The following AOAH variants were observed in gnomAD, a reference collection of about 807,000 sequenced individuals.
The protein encoded by AOAH is acyloxyacyl hydrolase.
In AOAH, 64 loss-of-function variants were observed where a neutral mutation model predicts 92.2. That is an observed-to-expected ratio of 0.69 (90% CI 0.57 to 0.86). The LOEUF is 0.86. Ranked by LOEUF, AOAH falls within the 40% of genes least tolerant of loss-of-function variation. The pLI, the probability that AOAH is intolerant of heterozygous loss-of-function variation, is 0.00. For missense variants in AOAH, 656 were observed against 694.6 expected (o/e 0.94, Z 0.62); for synonymous variants, 263 against 254.5 (o/e 1.03, Z -0.32).
At chr7:36,563,998 G>T (rs1583829331) in intron 13 of AOAH, among the ~76,000 whole-genome samples, 1 of 152,276 alleles carries the variant, frequency 6.6e-6, no homozygotes, top group East Asian at 1.9e-4. Flanking sequence ...CTAAAACATA[G>T]ATTTTTAAAA....
At position 36,530,457 on chromosome 7, in the gene AOAH, T is replaced by C. The variant is rs1290395407; in HGVS notation, c.1483A>G (p.Asn495Asp). 6.2e-7 allele frequency: 1 copy of C among 1,613,930 alleles called. No homozygotes were observed. Among genetic ancestry groups the C allele is most frequent in the Non-Finnish European group, 8.5e-7 (1 of 1,179,800 alleles). Residue 495 changes from asparagine (N) to aspartate (D), a missense_variant, in exon 19 of 21, where the codon AAC becomes GAC. By Grantham distance (23) the Asn-to-Asp change is conservative. Transcript: ENST00000617537. ...KKIAASEKFT[N>D]FNLFYMDFAF... ...AAATCCATGTAGAAAAGATTGAAGT[T>C]TGTAAATTTCTCACTGGCTGCAATT... is the stretch of plus-strand genomic sequence containing the variant.
intron 12 of AOAH, among the ~76,000 whole-genome samples, chr7:36,591,755 C>T (rs1198596955): frequency 6.6e-6 from 1 of 152,156 alleles, no homozygotes; most frequent in Non-Finnish European, 1.5e-5. Flanking sequence ...CCAATAGAAA[C>T]TCAAAATGAC....
At chr7:36,578,884 A>G (rs1788718456) in intron 12 of AOAH, among the ~76,000 whole-genome samples, 2 of 152,184 alleles carry the variant, frequency 1.3e-5, no homozygotes, top group Non-Finnish European at 2.9e-5. Context: ...TAATTGGCTT[A>G]TGGTTCTGCA....
chr7:36,522,194 C>T, intron 19 of AOAH, 79 bp from the exon 20 acceptor site: 2 of 1,353,908 alleles, frequency 1.5e-6, no homozygotes, highest in Non-Finnish European at 2.1e-6. Flanking sequence ...GACGTGAGAA[C>T]TGCCCATGCC....
chr7:36,705,674 C>T (rs1798357185), intron 1 of AOAH, among the ~76,000 whole-genome samples: 1 of 152,072 alleles, frequency 6.6e-6, no homozygotes, highest in Non-Finnish European at 1.5e-5. Flanking sequence ...CCCGTATATC[C>T]AAGACAATCC....
chr7:36,553,393 A>C lies in AOAH; in HGVS notation c.1022-3918T>G, dbSNP rs377360770. 2.7e-3 allele frequency among the ~76,000 whole-genome samples: 413 copies of C among 151,426 alleles called. 1 individual carries two copies. The highest frequency in any genetic ancestry group is 8.4e-3 in the African/African-American group (346 of 41,266). On this transcript the variant is annotated intron_variant, in intron 13 of 20. Coordinates refer to ENST00000617537, the MANE Select transcript of AOAH (RefSeq NM_001637.4). ...TCTTAATCCAGTCTATCATTGTTGGACATTTGGGTTGGTTCCAAGTCTTTG... is the reference window on the plus strand; with the variant it reads ...TCTTAATCCAGTCTATCATTGTTGGCCATTTGGGTTGGTTCCAAGTCTTTG...
Position 36,722,935 on chromosome 7 carries a change from G to GAAA in AOAH, c.127+1084_127+1086dup, listed in dbSNP as rs11407908. Among the ~76,000 whole-genome samples the GAAA allele has an allele frequency of 5.7e-4, 28 of 49,450 alleles. 1 individual carries two copies. Among genetic ancestry groups the GAAA allele is most frequent in the African/African-American group, 7.8e-4 (10 of 12,772 alleles). 32.4% of individuals were successfully genotyped at this position (49,450 alleles called of 152,430 possible). On this transcript the variant is annotated intron_variant, in intron 1 of 20. Coordinates refer to ENST00000617537, the MANE Select transcript of AOAH (RefSeq NM_001637.4). Reference sequence around the variant, plus strand: ...GGTGACAGTGCGATAATCCATCTCAGAAAAAAAAAAAAAAAAAAAAAAAAA... The same window carrying GAAA: ...GGTGACAGTGCGATAATCCATCTCAGAAAAAAAAAAAAAAAAAAAAAAAAAAAA...
chr7:36,530,410 C>A lies in AOAH; in HGVS notation c.1522+8G>T. 1 of 1,592,022 alleles carries A rather than the reference C, an allele frequency of 6.3e-7. No homozygotes were observed. Among genetic ancestry groups the A allele is most frequent in the Non-Finnish European group, 8.6e-7 (1 of 1,159,986 alleles). On this transcript the variant is annotated splice_region_variant and intron_variant, in intron 19 of 20. Transcript: ENST00000617537. ...ATCTTCTGTCAATACCCAAACAAAG[C>A]TACTTACTTTCATGGAAGGCAAAAT...
chr7:36,702,565 T>C (rs1222280495), intron 1 of AOAH, among the ~76,000 whole-genome samples: 1 of 152,206 alleles, frequency 6.6e-6, no homozygotes, highest in East Asian at 1.9e-4. Context: ...GGTTTCCTAG[T>C]GCATATAAGA....
At chr7:36,598,486 T>A (rs542930531) in intron 11 of AOAH, among the ~76,000 whole-genome samples, 1 of 152,302 alleles carries the variant, frequency 6.6e-6, no homozygotes, top group African/African-American at 2.4e-5. Flanking sequence ...TATAGAAATA[T>A]CACCTTATTT....
intron 1 of AOAH, 118 bp downstream of exon 1, chr7:36,723,904 C>T: frequency 2.5e-6 from 3 of 1,179,846 alleles, no homozygotes; most frequent in Non-Finnish European, 2.3e-6. Flanking sequence ...GTTACTGGTG[C>T]CTTACCTGGA....
chr7:36,640,990 A>C (rs1206638909), intron 4 of AOAH, among the ~76,000 whole-genome samples: 1 of 152,166 alleles, frequency 6.6e-6, no homozygotes, highest in Non-Finnish European at 1.5e-5. Context: ...TGCAAAGGAC[A>C]ATGGTTTACA....
chr7:36,535,433 T>G (rs1784995017), intron 16 of AOAH, among the ~76,000 whole-genome samples: 1 of 152,216 alleles, frequency 6.6e-6, no homozygotes. Context: ...GTAAATGTGT[T>G]AAAATCACAT....
chr7:36,596,397 G>A (rs962023336), intron 11 of AOAH, among the ~76,000 whole-genome samples: 9 of 152,090 alleles, frequency 5.9e-5, no homozygotes, highest in African/African-American at 1.7e-4. Flanking sequence ...TATGTTTCTC[G>A]AAAAGATGTG....
In AOAH at chr7:36,623,261, GA is replaced by G; in HGVS notation, c.522-12del. The G allele has an allele frequency of 3.1e-6, 5 of 1,612,404 alleles. No homozygotes were observed. The highest frequency in any genetic ancestry group is 2.2e-5 in the East Asian group (1 of 44,838). The stretch of plus-strand genomic sequence containing the variant: ...GACTGTTCCATAGCTCTAGGAAAAA[GA>G]AAACAAAACAATCGGTGAGCTAACA... On this transcript the variant is annotated splice_polypyrimidine_tract_variant and intron_variant, in intron 6 of 20. Transcript: ENST00000617537.
intron 11 of AOAH, among the ~76,000 whole-genome samples, chr7:36,595,189 T>C (rs925133369): frequency 6.6e-6 from 1 of 152,226 alleles, no homozygotes; most frequent in African/African-American, 2.4e-5. Flanking sequence ...TAGAAAAAGC[T>C]TATCTAAATT....
At chr7:36,592,177 G>A (rs1052293788) in intron 12 of AOAH, among the ~76,000 whole-genome samples, 3 of 152,084 alleles carry the variant, frequency 2.0e-5, no homozygotes, top group African/African-American at 7.2e-5. Flanking sequence ...TACTTTTATT[G>A]AGAAATGACT....
At chr7:36,603,045 C>T (rs1198589780) in intron 11 of AOAH, among the ~76,000 whole-genome samples, 1 of 152,216 alleles carries the variant, frequency 6.6e-6, no homozygotes, top group African/African-American at 2.4e-5. Flanking sequence ...TCTCTTCCTA[C>T]ATCTTCAGTA....
chr7:36,548,531 A>G, intron 15 of AOAH, 81 bp downstream of exon 15: 2 of 1,179,408 alleles, frequency 1.7e-6, no homozygotes, highest in East Asian at 2.4e-5. Context: ...GGCTGCTATA[A>G]TGGAGTGGAG....
Sources: gnomAD v4.1 joint callset for allele counts (sites outside exome capture counted in the v4.1 genomes callset) on GRCh38, gnomAD v4.1.1 for gene constraint, MANE v1.5 for transcripts, NCBI Gene and HGNC (gene_info 2026-07-23, HGNC 2026-07-21) for gene names.